Variants in NRG3 observed in about 807,000 individuals in gnomAD.
The protein encoded by NRG3 is pro-neuregulin-3, membrane-bound isoform.
In NRG3, 31 loss-of-function variants were observed where a neutral mutation model predicts 66.9. The observed-to-expected ratio is 0.46, with a 90% CI of 0.35 to 0.63. NRG3 has a LOEUF of 0.63. Among genes scored for constraint, NRG3 ranks in the 20% least tolerant of loss-of-function variants. The pLI, the probability that NRG3 is intolerant of heterozygous loss-of-function variation, is 0.00. For synonymous variants in NRG3, 393 were observed against 359.4 expected, an observed-to-expected ratio of 1.09 and a Z score of -1.06; for missense variants, 910 against 878.9, an observed-to-expected ratio of 1.04 and a Z score of -0.45.
chr10:82,425,465 CCTTTT>C (rs1440118267), intron 2 of NRG3, among the ~76,000 whole-genome samples: 2 of 151,546 alleles, frequency 1.3e-5, no homozygotes, highest in African/African-American at 4.9e-5. Context: ...TGTATGTTGT[CCTTTT>C]CTTTTCCCCA....
At chr10:82,371,960 A>T (rs56057378) in intron 2 of NRG3, among the ~76,000 whole-genome samples, 20,008 of 152,014 alleles carry the variant, frequency 0.13, 2,450 homozygotes, top group African/African-American at 0.31. Context: ...TCCTCCCAAC[A>T]CCCCCACAAT....
chr10:82,317,088 C>T (rs147308092), intron 1 of NRG3, among the ~76,000 whole-genome samples: 15 of 152,234 alleles, frequency 9.9e-5, no homozygotes, highest in African/African-American at 3.1e-4. Flanking sequence ...CAGTCCTATG[C>T]TTTCCAGAAA....
intron 2 of NRG3, among the ~76,000 whole-genome samples, chr10:82,652,741 A>T (rs1299180994): frequency 6.6e-6 from 1 of 152,028 alleles, no homozygotes; most frequent in Non-Finnish European, 1.5e-5. Context: ...TTTGACAGGG[A>T]CCCACCCCTG....
chr10:82,728,653 A>G (rs897813159), intron 2 of NRG3, among the ~76,000 whole-genome samples: 3 of 152,192 alleles, frequency 2.0e-5, no homozygotes, highest in Admixed American at 2.0e-4. Context: ...TGGACATGTT[A>G]GTCAATTACT....
intron 1 of NRG3, among the ~76,000 whole-genome samples, chr10:81,986,744 C>T (rs2060533028): frequency 6.6e-6 from 1 of 152,012 alleles, no homozygotes; most frequent in Non-Finnish European, 1.5e-5. Flanking sequence ...CAGACGAGAG[C>T]ACAGTGGCAT....
intron 8 of NRG3, among the ~76,000 whole-genome samples, chr10:82,984,224 G>C (rs187336784): frequency 2.0e-5 from 3 of 152,144 alleles, no homozygotes; most frequent in African/African-American, 7.2e-5. Context: ...TTCTGTCATG[G>C]AACAGCACAG....
chr10:82,300,728 C>G (rs1413714694), intron 1 of NRG3, among the ~76,000 whole-genome samples: 3 of 152,060 alleles, frequency 2.0e-5, no homozygotes, highest in Non-Finnish European at 4.4e-5. Context: ...AATGGATTCT[C>G]TTAGATTCCC....
intron 2 of NRG3, among the ~76,000 whole-genome samples, chr10:82,362,548 G>GTT (rs10694679): frequency 0.059 from 4,873 of 82,708 alleles, 391 homozygotes; most frequent in African/African-American, 0.16. Context: ...TAATTTCTGG[G>GTT]TTTTTTTTTT....
chr10:82,395,534 T>C (rs560911124), intron 2 of NRG3, among the ~76,000 whole-genome samples: 7 of 152,216 alleles, frequency 4.6e-5, no homozygotes, highest in South Asian at 2.1e-4. Flanking sequence ...TATGGACTTA[T>C]AGTTTATCTG....
chr10:82,977,806 A>T (rs894646711), intron 7 of NRG3, among the ~76,000 whole-genome samples: 1 of 152,104 alleles, frequency 6.6e-6, no homozygotes, highest in African/African-American at 2.4e-5. Flanking sequence ...ATATTTGTAA[A>T]GTCCTGTTTT....
Position 82,742,174 on chromosome 10 carries a change from G to A in NRG3, c.1027+3524G>A, listed in dbSNP as rs559117748. ...CTGAGTGAAATCCCTATTAGCAGGG[G>A]GTGAGAAACCGCTGCTCTTTTATTC... On this transcript the variant is annotated intron_variant, in intron 3 of 8. Coordinates refer to ENST00000372141, the MANE Select transcript of NRG3 (RefSeq NM_001010848.4). Among the ~76,000 whole-genome samples the A allele has an allele frequency of 1.5e-4, 23 of 152,084 alleles. 1 individual carries two copies. The South Asian group carries it at 4.2e-3, about 27-fold the overall frequency.
At chr10:82,374,249 AT>A (rs1345562960) in intron 2 of NRG3, among the ~76,000 whole-genome samples, 1 of 152,228 alleles carries the variant, frequency 6.6e-6, no homozygotes. Context: ...CATGTTAAAT[AT>A]GCAAAGAAAC....
intron 1 of NRG3, among the ~76,000 whole-genome samples, chr10:82,073,128 G>A (rs2064899330): frequency 6.6e-6 from 1 of 151,834 alleles, no homozygotes; most frequent in Non-Finnish European, 1.5e-5. Flanking sequence ...AAAAAAATAA[G>A]GGATGTGATC....
intron 8 of NRG3, among the ~76,000 whole-genome samples, chr10:82,984,612 G>A (rs2132700930): frequency 6.6e-6 from 1 of 152,230 alleles, no homozygotes; most frequent in Middle Eastern, 3.4e-3. Flanking sequence ...CTTAATATTG[G>A]GCTTCTTGAT....
chr10:82,808,598 A>G (rs1180129293), intron 3 of NRG3, among the ~76,000 whole-genome samples: 1 of 152,036 alleles, frequency 6.6e-6, no homozygotes, highest in Non-Finnish European at 1.5e-5. Context: ...CTCTCCAATT[A>G]AACTGTTATT....
chr10:82,898,521 C>A (rs1319890290), intron 4 of NRG3, among the ~76,000 whole-genome samples: 2 of 152,030 alleles, frequency 1.3e-5, no homozygotes, highest in African/African-American at 4.8e-5. Context: ...AGTCCATACC[C>A]CTAGGCCCAA....
chr10:82,925,919 G>A (rs73311359), intron 4 of NRG3, among the ~76,000 whole-genome samples: 13,959 of 152,230 alleles, frequency 0.092, 866 homozygotes, highest in African/African-American at 0.16. Context: ...GGCAAGGCAA[G>A]CAGGGCAGGC....
chr10:82,140,580 A>G (rs113552453), intron 1 of NRG3, among the ~76,000 whole-genome samples: 7 of 152,240 alleles, frequency 4.6e-5, no homozygotes, highest in African/African-American at 1.7e-4. Flanking sequence ...AAATAAGTCA[A>G]TGCTGGCTGG....
At chr10:82,524,425 C>A (rs1170920594) in intron 2 of NRG3, among the ~76,000 whole-genome samples, 3 of 151,654 alleles carry the variant, frequency 2.0e-5, no homozygotes, top group Non-Finnish European at 4.4e-5. Flanking sequence ...AAATTTAAAC[C>A]CCTAAAAATA....
Sources: gnomAD v4.1 joint callset for allele counts (sites outside exome capture counted in the v4.1 genomes callset) on GRCh38, gnomAD v4.1.1 for gene constraint, MANE v1.5 for transcripts, NCBI Gene and HGNC (gene_info 2026-07-23, HGNC 2026-07-21) for gene names.